Variants in DNAH14 observed in about 807,000 individuals in gnomAD.
The protein encoded by DNAH14 is dynein axonemal heavy chain 14, also known as axonemal beta dynein heavy chain 14.
Under a neutral mutation model 520.9 loss-of-function variants are expected in DNAH14, and 478 were observed. That is an observed-to-expected ratio of 0.92 (90% confidence interval 0.85 to 0.99). The LOEUF is 0.99. DNAH14 is among the 50% of genes least tolerant of loss of function. The pLI is 0.00. For synonymous variants in DNAH14, 1,581 were observed against 1,757.2 expected (o/e 0.90, Z 2.51); for missense variants, 4,831 against 5,234.5 (o/e 0.92, Z 2.38).
rs369547604 is a variant in DNAH14, at chr1:224,955,115, C to G, written c.217+17C>G. On this transcript the variant is annotated intron_variant, in intron 3 of 85. Transcript: ENST00000682510. ...AAACAGAAGGTATTTATCAAGATTA[C>G]TATTCTGGCATGTTGATTTATATTT... 6.2e-7 allele frequency: 1 copy of G among 1,603,752 alleles called. No individual in the cohort carries two copies. Among genetic ancestry groups the G allele is most frequent in the Non-Finnish European group, 8.5e-7 (1 of 1,175,878 alleles).
intron 36 of DNAH14, among the ~76,000 whole-genome samples, chr1:225,178,847 G>T (rs970345074): frequency 3.9e-5 from 6 of 152,076 alleles, no homozygotes; most frequent in Non-Finnish European, 7.4e-5. Flanking sequence ...CATGTGTTGT[G>T]GGAGGGACCC....
chr1:225,045,266 TG>T (rs1270791650), intron 15 of DNAH14, among the ~76,000 whole-genome samples: 1 of 151,502 alleles, frequency 6.6e-6, no homozygotes, highest in African/African-American at 2.4e-5. Flanking sequence ...ATGTTTCTAC[TG>T]TTTTTTTTTT....
chr1:225,248,769 A>G (rs2092417523), intron 43 of DNAH14, among the ~76,000 whole-genome samples: 1 of 152,190 alleles, frequency 6.6e-6, no homozygotes, highest in African/African-American at 2.4e-5. Flanking sequence ...ACCTAAAGTC[A>G]TTTATTAGAG....
At chr1:225,283,954 A>G (rs979073602) in intron 54 of DNAH14, among the ~76,000 whole-genome samples, 3 of 152,142 alleles carry the variant, frequency 2.0e-5, no homozygotes, top group African/African-American at 7.2e-5. Context: ...AACTGCAGAG[A>G]AATTAGAAAA....
intron 75 of DNAH14, among the ~76,000 whole-genome samples, chr1:225,362,737 A>G (rs1182058679): frequency 6.6e-6 from 1 of 152,204 alleles, no homozygotes; most frequent in Non-Finnish European, 1.5e-5. Flanking sequence ...TCTTTATTAA[A>G]TCAAGCCTTT....
At chr1:225,082,199 C>T (rs1302101113) in intron 19 of DNAH14, among the ~76,000 whole-genome samples, 4 of 25,704 alleles carry the variant, frequency 1.6e-4, no homozygotes, top group Admixed American at 3.9e-4. Context: ...TGTGTGTGTG[C>T]ACATGCGCAT....
chr1:225,252,781 A>T (rs1332722367), intron 44 of DNAH14, among the ~76,000 whole-genome samples: 20 of 152,306 alleles, frequency 1.3e-4, no homozygotes, highest in African/African-American at 4.8e-4. Context: ...GTAAAAACTT[A>T]CACTTAATTA....
chr1:225,072,761 T>C (rs189288141), intron 17 of DNAH14, among the ~76,000 whole-genome samples: 1 of 152,338 alleles, frequency 6.6e-6, no homozygotes, highest in East Asian at 1.9e-4. Flanking sequence ...GTAGGTCTGC[T>C]TGTGGTATGC....
intron 78 of DNAH14, 27 bp from the exon 79 acceptor site, chr1:225,377,210 A>G: frequency 7.3e-7 from 1 of 1,374,848 alleles, no homozygotes; most frequent in East Asian, 2.9e-5. Flanking sequence ...ATTGAAGAAA[A>G]AAGCTAACAA....
intron 8 of DNAH14, among the ~76,000 whole-genome samples, chr1:224,985,836 A>G (rs1018183719): frequency 1.3e-5 from 2 of 152,060 alleles, no homozygotes; most frequent in Non-Finnish European, 2.9e-5. Flanking sequence ...GCTTGAAGAC[A>G]GGCTATTTGA....
At chr1:225,047,039 C>G (rs551274142) in intron 15 of DNAH14, among the ~76,000 whole-genome samples, 1 of 152,158 alleles carries the variant, frequency 6.6e-6, no homozygotes, top group Non-Finnish European at 1.5e-5. Flanking sequence ...AATTTAGGAA[C>G]TAAGATCTAT....
intron 55 of DNAH14, among the ~76,000 whole-genome samples, chr1:225,297,983 C>T (rs2094049055): frequency 6.6e-6 from 1 of 151,776 alleles, no homozygotes; most frequent in South Asian, 2.1e-4. Flanking sequence ...TTCTTAGGTC[C>T]AAGAAGTAAG....
intron 71 of DNAH14, among the ~76,000 whole-genome samples, chr1:225,348,557 G>A (rs1451555548): frequency 6.6e-6 from 1 of 152,122 alleles, no homozygotes; most frequent in Non-Finnish European, 1.5e-5. Flanking sequence ...GCAAACTAGA[G>A]GGAGTGAGAT....
chr1:225,316,563 C>A (rs2150166482), intron 60 of DNAH14, among the ~76,000 whole-genome samples: 1 of 152,308 alleles, frequency 6.6e-6, no homozygotes, highest in Admixed American at 6.5e-5. Flanking sequence ...ATGCACCGTC[C>A]TTCATGGCAC....
chr1:225,177,997 G>A (rs1228537201), intron 36 of DNAH14, among the ~76,000 whole-genome samples: 1 of 152,136 alleles, frequency 6.6e-6, no homozygotes, highest in Admixed American at 6.5e-5. Flanking sequence ...AAAACAGCCA[G>A]AAAAGAGGCT....
In DNAH14 at chr1:225,204,288, AT is replaced by A; in HGVS notation, c.5977+17del. Reference sequence around the variant, plus strand: ...AGAAAATCACAGTAAGTGTTACTAAATTCAAGAAAGATTATTAATATAGAAG... The same window carrying A: ...AGAAAATCACAGTAAGTGTTACTAAATCAAGAAAGATTATTAATATAGAAG... On this transcript the variant is annotated intron_variant, in intron 39 of 85. Transcript: ENST00000682510. 1.5e-6 allele frequency: 2 copies of A among 1,366,300 alleles called. No homozygotes were observed. The highest frequency in any genetic ancestry group is 2.0e-6 in the Non-Finnish European group (2 of 1,021,552). 84.6% of individuals were successfully genotyped at this position (1,366,300 alleles called of 1,614,324 possible).
At chr1:225,164,296 A>G (rs2081831005) in intron 35 of DNAH14, among the ~76,000 whole-genome samples, 2 of 152,072 alleles carry the variant, frequency 1.3e-5, no homozygotes, top group African/African-American at 4.8e-5. Context: ...CTTAATATCT[A>G]TTCAGTCAGA....
Position 225,080,698 on chromosome 1 carries a change from TA to T in DNAH14, c.3087del (p.Gln1030ArgfsTer7), listed in dbSNP as rs1357898544. ...CTTCAAAGTATTGATGTAGAATCAG[TA>T]CAGAGAAATGTTTCAAAACTGATGC... is the stretch of plus-strand genomic sequence containing the variant. The part of the protein sequence containing the change: ...SSLQSIDVES[V>X]QRNVSKLMHI... On this transcript the variant is annotated frameshift_variant, in exon 19 of 86. Transcript: ENST00000682510. LOFTEE classifies it high-confidence loss of function. The T allele has an allele frequency of 2.9e-5, 44 of 1,541,458 alleles. No individual in the cohort carries two copies. Among genetic ancestry groups the T allele is most frequent in the Non-Finnish European group, 3.6e-5 (41 of 1,143,250 alleles).
At chr1:225,155,048 G>T (rs1408106954) in intron 34 of DNAH14, among the ~76,000 whole-genome samples, 1 of 152,016 alleles carries the variant, frequency 6.6e-6, no homozygotes, top group Non-Finnish European at 1.5e-5. Context: ...AACCCCACAC[G>T]TAATGAAAGA....
Sources: gnomAD v4.1 joint callset for allele counts (sites outside exome capture counted in the v4.1 genomes callset) on GRCh38, gnomAD v4.1.1 for gene constraint, MANE v1.5 for transcripts, NCBI Gene and HGNC (gene_info 2026-07-23, HGNC 2026-07-21) for gene names.